Variants in MUC22 observed in about 807,000 individuals in gnomAD.
The protein encoded by MUC22 is mucin 22.
MUC22 carries 24 observed loss-of-function variants against 40.3 expected under a neutral mutation model. The ratio of observed to expected loss-of-function variants is 0.60; its 90% confidence interval spans 0.43 to 0.84. The LOEUF (loss-of-function observed/expected upper bound fraction) is 0.84. MUC22 is among the 40% of genes least tolerant of loss of function. The pLI, the probability that MUC22 is intolerant of heterozygous loss-of-function variation, is 0.00. For missense variants in MUC22, 1,926 were observed against 2,130.7 expected (o/e 0.90, Z 1.89); for synonymous variants, 765 against 844.5 (o/e 0.91, Z 1.63).
At chr6:31,016,835 G>C (rs1057336848) in intron 1 of MUC22, among the ~76,000 whole-genome samples, 1 of 152,226 alleles carries the variant, frequency 6.6e-6, no homozygotes, top group Non-Finnish European at 1.5e-5. Flanking sequence ...CGGCACTTGC[G>C]GGCCAGCACT....
chr6:31,027,656 G>GC lies in MUC22; in HGVS notation c.2226dup (p.Glu744GlyfsTer11), dbSNP rs1266831572. ...GAGACCACCACAGCCTCTAATACAG[G>GC]CTTGGAGACCACCACAGTCTTTACC... On this transcript the variant is annotated frameshift_variant, in exon 2 of 4. Coordinates refer to ENST00000561890, the Ensembl canonical transcript of MUC22. LOFTEE classifies it high-confidence loss of function. The GC allele has an allele frequency of 2.0e-6, 3 of 1,529,546 alleles. No homozygotes were observed. The highest frequency in any genetic ancestry group is 2.6e-6 in the Non-Finnish European group (3 of 1,144,172). 94.7% of individuals were successfully genotyped at this position (1,529,546 alleles called of 1,614,324 possible). A position where few individuals can be genotyped will look rare whatever the true frequency, so the allele number is the denominator to read the frequency against.
At chr6:31,021,929 T>C (rs1413839088) in intron 1 of MUC22, among the ~76,000 whole-genome samples, 1 of 152,132 alleles carries the variant, frequency 6.6e-6, no homozygotes, top group Non-Finnish European at 1.5e-5. Flanking sequence ...TCTACACTGT[T>C]TTTATGATCT....
At chr6:31,019,492 A>G (rs1408273168) in intron 1 of MUC22, among the ~76,000 whole-genome samples, 1 of 152,204 alleles carries the variant, frequency 6.6e-6, no homozygotes, top group African/African-American at 2.4e-5. Flanking sequence ...TCATTAGGTG[A>G]GGCAGAGCAA....
At position 31,017,014 on chromosome 6, in the gene MUC22, C is replaced by G. The variant is rs1026030856; in HGVS notation, c.70+6238C>G. The stretch of plus-strand genomic sequence containing the variant: ...GCGGGTGCTGCGCTCCAATTCTCGC[C>G]GGACCTCAGCTGCCTCCCTGAGGGG... On this transcript the variant is annotated intron_variant, in intron 1 of 3. Coordinates refer to ENST00000561890, the Ensembl canonical transcript of MUC22. 1.6e-4 allele frequency among the ~76,000 whole-genome samples: 24 copies of G among 152,230 alleles called. 3 individuals are homozygous for G. Among genetic ancestry groups the G allele is most frequent in the Admixed American group, 1.4e-3 (21 of 15,292 alleles).
At position 31,032,186 on chromosome 6, in the gene MUC22, TGTTTCATAG is replaced by T; in HGVS notation, c.4670-8_4670del. ...TACAAATGCATCATCTTGTGTGACC[TGTTTCATAG>T]GCACCAGAACCACTGGAACCAGACT... On this transcript the variant is annotated splice_acceptor_variant and splice_polypyrimidine_tract_variant and intron_variant, in intron 2 of 3. Coordinates refer to ENST00000561890, the Ensembl canonical transcript of MUC22. LOFTEE classifies it high-confidence loss of function. The surrounding 1 kb of genome is among the most constrained non-coding windows in gnomAD (Gnocchi z 4.1). The T allele has an allele frequency of 1.3e-6, 2 of 1,527,524 alleles. No homozygotes were observed. The highest frequency in any genetic ancestry group is 1.8e-6 in the Non-Finnish European group (2 of 1,142,784). The allele number at this position is 1,527,524 out of a possible 1,614,324, so 94.6% of individuals were successfully genotyped here.
In MUC22 at chr6:31,032,022, G is replaced by T. The variant is rs1445468126; in HGVS notation, c.4670-174G>T. 6.6e-6 allele frequency among the ~76,000 whole-genome samples: 1 copy of T among 152,022 alleles called. No individual in the cohort carries two copies. Among genetic ancestry groups the T allele is most frequent in the Non-Finnish European group, 1.5e-5 (1 of 68,012 alleles). On this transcript the variant is annotated intron_variant, in intron 2 of 3. Coordinates refer to ENST00000561890, the Ensembl canonical transcript of MUC22. The surrounding 1 kb of genome is among the most constrained non-coding windows in gnomAD (Gnocchi z 4.1). ...TCTGTATGACACCCACCTGCATTCT[G>T]GGGACATGGCCACAGCAGAATCGCT...
chr6:31,022,763 G>A (rs534041134), intron 1 of MUC22, among the ~76,000 whole-genome samples: 5 of 151,524 alleles, frequency 3.3e-5, no homozygotes, highest in East Asian at 3.9e-4. Context: ...GGTGTATATC[G>A]TAAATCCTAG....
chr6:31,026,725 G>A (rs1418813705), exon 2 of MUC22: 1 of 1,502,790 alleles, frequency 6.7e-7, no homozygotes, highest in African/African-American at 1.4e-5. Context: ...AGTCTTCACT[G>A]CAGGCTCGGA....
chr6:31,024,506 G>C (rs1765114290), intron 1 of MUC22, among the ~76,000 whole-genome samples: 1 of 151,946 alleles, frequency 6.6e-6, no homozygotes, highest in Admixed American at 6.6e-5. Context: ...TATTCCAGTG[G>C]GTCTTCATTG....
Position 31,014,037 on chromosome 6 carries a change from GT to G in MUC22, c.70+3264del, listed in dbSNP as rs201327462. On this transcript the variant is annotated intron_variant, in intron 1 of 3. Coordinates refer to ENST00000561890, the Ensembl canonical transcript of MUC22. ...TTTTGGTGTTAAACTAGCATTTAGTGTTTACATTATGATAACTATAAATTTT... is the reference window on the plus strand; with the variant it reads ...TTTTGGTGTTAAACTAGCATTTAGTGTTACATTATGATAACTATAAATTTT... Among the ~76,000 whole-genome samples, 1,334 of 152,066 alleles carry G rather than the reference GT, an allele frequency of 8.8e-3. 9 individuals are homozygous for G. Among genetic ancestry groups the G allele is most frequent in the Non-Finnish European group, 0.014 (919 of 67,978 alleles).
intron 1 of MUC22, among the ~76,000 whole-genome samples, chr6:31,018,195 G>T (rs1473205421): frequency 9.0e-6 from 1 of 111,488 alleles, no homozygotes; most frequent in Non-Finnish European, 1.9e-5. Flanking sequence ...GAGTTTCTTT[G>T]GTTTCAGTAT....
At position 31,030,010 on chromosome 6, in the gene MUC22, G is replaced by GCAGC. The variant is rs1765931573; in HGVS notation, c.4581_4584dup (p.Thr1530LeufsTer16). On this transcript the variant is annotated frameshift_variant, in exon 2 of 4. Transcript: ENST00000561890. LOFTEE classifies it high-confidence loss of function. Reference sequence around the variant, plus strand: ...CTCTATCACAGCTTCTGGGGCCACTGCAGCCTCCACCACTGTCTCTTCCAC... The same window carrying GCAGC: ...CTCTATCACAGCTTCTGGGGCCACTGCAGCCAGCCTCCACCACTGTCTCTTCCAC... 2 of 1,535,760 alleles carry GCAGC rather than the reference G, an allele frequency of 1.3e-6. No homozygotes were observed. The highest frequency in any genetic ancestry group is 2.7e-5 in the African/African-American group (2 of 73,172).
At chr6:31,018,432 C>T (rs1251980249) in intron 1 of MUC22, among the ~76,000 whole-genome samples, 7 of 152,220 alleles carry the variant, frequency 4.6e-5, no homozygotes, top group African/African-American at 1.4e-4. Flanking sequence ...CAGTAGTTGA[C>T]TTACTCTCAC....
intron 3 of MUC22, among the ~76,000 whole-genome samples, chr6:31,033,471 C>T (rs1470795089): frequency 1.3e-5 from 2 of 152,192 alleles, no homozygotes; most frequent in African/African-American, 2.4e-5. Flanking sequence ...ACTCTCTGAC[C>T]TCCCACTCCA....
At chr6:31,022,064 T>A (rs1228485231) in intron 1 of MUC22, among the ~76,000 whole-genome samples, 4 of 151,846 alleles carry the variant, frequency 2.6e-5, no homozygotes, top group Non-Finnish European at 5.9e-5. Flanking sequence ...TGTGAAGGTT[T>A]GCAGCTTCAC....
intron 1 of MUC22, among the ~76,000 whole-genome samples, chr6:31,023,036 A>G (rs1453886824): frequency 3.3e-5 from 5 of 152,260 alleles, no homozygotes; most frequent in Non-Finnish European, 5.9e-5. Flanking sequence ...AGGCCGAGGC[A>G]GGAGAATCAC....
rs1035181929 is a variant in MUC22, at chr6:31,011,876, C to T, written c.70+1100C>T. Among the ~76,000 whole-genome samples, 5 of 152,290 alleles carry T rather than the reference C, an allele frequency of 3.3e-5. No individual in the cohort carries two copies. Among genetic ancestry groups the T allele is most frequent in the East Asian group, 1.9e-4 (1 of 5,190 alleles). ...CTGTTTTTTGATTTTTTGCTTCAAC[C>T]CTTCTTCGGATGCTGCCTGATTCCA... is the stretch of plus-strand genomic sequence containing the variant. On this transcript the variant is annotated intron_variant, in intron 1 of 3. Coordinates refer to ENST00000561890, the Ensembl canonical transcript of MUC22. This position sits in a 1 kb window ranked among gnomAD's most constrained non-coding sequence, Gnocchi z 4.5.
At chr6:31,028,697 C>A (rs1482399925) in exon 2 of MUC22, 1 of 1,532,894 alleles carries the variant, frequency 6.5e-7, no homozygotes, top group African/African-American at 1.4e-5. Context: ...CCAGCCTCTA[C>A]AGCAGGCTCT....
chr6:31,027,223 G>A (rs1255622614), exon 2 of MUC22: 1 of 1,502,506 alleles, frequency 6.7e-7, no homozygotes, highest in Non-Finnish European at 8.9e-7. Context: ...GACCACCACA[G>A]TCTCTACCAC....
Sources: allele counts gnomAD v4.1 joint callset (sites outside exome capture counted in the v4.1 genomes callset), GRCh38; gene constraint gnomAD v4.1.1; non-coding constraint Gnocchi (gnomAD v3.1); transcripts MANE v1.5; gene names NCBI Gene and HGNC (gene_info 2026-07-23, HGNC 2026-07-21).